Variants in EXT1 observed in about 807,000 individuals in gnomAD.
The protein encoded by EXT1 is exostosin glycosyltransferase 1.
Under a neutral mutation model 82.5 loss-of-function variants are expected in EXT1, and 20 were observed. The observed-to-expected ratio is 0.24, with a 90% CI of 0.17 to 0.35. The LOEUF (loss-of-function observed/expected upper bound fraction) is 0.35. Among genes scored for constraint, EXT1 ranks in the 10% least tolerant of loss-of-function variants. The probability of loss-of-function intolerance (pLI) is 1.00; values close to 1 mark genes in which losing one functional copy is unlikely to be tolerated. For missense variants in EXT1, 757 were observed against 936.5 expected (o/e 0.81, Z 2.50); for synonymous variants, 348 against 350.8 (o/e 0.99, Z 0.09).
chr8:117,880,643 T>G lies in EXT1; in HGVS notation c.963-43442A>C, dbSNP rs1277207560. On this transcript the variant is annotated intron_variant, in intron 1 of 10. Transcript: ENST00000378204. ...TGTTGCTCTGTCACCCAGATTGGAG[T>G]GCAGTGGCACAATCTCAGCTCACCG... Among the ~76,000 whole-genome samples the G allele has an allele frequency of 2.7e-5, 4 of 150,556 alleles. No individual in the cohort carries two copies. In the South Asian group the frequency reaches 6.3e-4, roughly 24 times the overall value.
At chr8:118,017,233 T>C (rs1816020379) in intron 1 of EXT1, among the ~76,000 whole-genome samples, 1 of 152,166 alleles carries the variant, frequency 6.6e-6, no homozygotes. Flanking sequence ...TCATTCTCCT[T>C]ATACATTATC....
At chr8:117,881,683 C>T (rs983656068) in intron 1 of EXT1, among the ~76,000 whole-genome samples, 10 of 152,348 alleles carry the variant, frequency 6.6e-5, no homozygotes, top group Non-Finnish European at 1.0e-4. Flanking sequence ...CCAAACACAA[C>T]TAAGCCGGCT....
At chr8:118,106,140 T>C (rs1817800154) in intron 1 of EXT1, among the ~76,000 whole-genome samples, 1 of 152,196 alleles carries the variant, frequency 6.6e-6, no homozygotes, top group African/African-American at 2.4e-5. Flanking sequence ...TGAAACCATA[T>C]AACAAATTGT....
At chr8:118,083,747 G>A (rs1197357674) in intron 1 of EXT1, among the ~76,000 whole-genome samples, 4 of 152,114 alleles carry the variant, frequency 2.6e-5, no homozygotes, top group Admixed American at 1.3e-4. Context: ...AAAGAGGGAG[G>A]CGGGGCGCAG....
chr8:117,892,233 G>A (rs1813256981), intron 1 of EXT1, among the ~76,000 whole-genome samples: 1 of 152,178 alleles, frequency 6.6e-6, no homozygotes, highest in African/African-American at 2.4e-5. Flanking sequence ...AAACACCCCA[G>A]AACTACACAG....
chr8:117,937,476 A>G (rs1814188904), intron 1 of EXT1, among the ~76,000 whole-genome samples: 1 of 152,204 alleles, frequency 6.6e-6, no homozygotes, highest in Non-Finnish European at 1.5e-5. Context: ...AATCGCCCTG[A>G]TTTATGAAGT....
In EXT1 at chr8:117,804,798, A is replaced by T. The variant is rs1335974361; in HGVS notation, c.1979T>A (p.Leu660Gln). 6.2e-7 allele frequency: 1 copy of T among 1,614,038 alleles called. No homozygotes were observed. Among genetic ancestry groups the T allele is most frequent in the African/African-American group, 1.3e-5 (1 of 74,930 alleles). ...AGGCAATTTTGTCACAGCAGACACC[A>T]GGAAGTTCATGAGAATGTCCTCACA... ...ANCEDILMNF[L>Q]VSAVTKLPPI... Residue 660 changes from leucine to glutamine, a missense_variant, in exon 10 of 11, where the codon CTG (leucine) becomes CAG (glutamine). Physicochemically the swap from Leu to Gln is moderately radical, Grantham distance 113. This residue lies in a region of EXT1 where 128 missense variants were observed against 223.2 expected (regional missense o/e 0.57). Transcript: ENST00000378204.
intron 1 of EXT1, among the ~76,000 whole-genome samples, chr8:117,933,320 C>T (rs1586293796): frequency 6.7e-6 from 1 of 149,592 alleles, no homozygotes; most frequent in Admixed American, 6.7e-5. Flanking sequence ...CATTTCAGCT[C>T]ACTGCAACCT....
Position 117,916,800 on chromosome 8 carries a change from G to A in EXT1, c.963-79599C>T, listed in dbSNP as rs927497084. Reference sequence around the variant, plus strand: ...TGGTGGCCTGTAATCCCAGCTACTCGGGAGACTGAGGCACGAGAATCACTT... The same window carrying A: ...TGGTGGCCTGTAATCCCAGCTACTCAGGAGACTGAGGCACGAGAATCACTT... On this transcript the variant is annotated intron_variant, in intron 1 of 10. Transcript: ENST00000378204. Among the ~76,000 whole-genome samples the A allele has an allele frequency of 2.6e-5, 4 of 152,096 alleles. No homozygotes were observed. The East Asian group carries it at 5.8e-4, about 22-fold the overall frequency.
intron 1 of EXT1, among the ~76,000 whole-genome samples, chr8:117,918,468 C>A (rs1160469481): frequency 6.6e-6 from 1 of 152,240 alleles, no homozygotes; most frequent in Non-Finnish European, 1.5e-5. Context: ...ATTGCATTTG[C>A]TGCTTCTTCC....
rs1016460656 is a variant in EXT1 at position 117,950,791 on chromosome 8, T to A, written c.963-113590A>T. ...AAGATGTTATTCAAGTTCACCTTGA[T>A]TGTTTTACTGGGTCCTAACCAGGAG... is the stretch of plus-strand genomic sequence containing the variant. On this transcript the variant is annotated intron_variant, in intron 1 of 10. Transcript: ENST00000378204. Among the ~76,000 whole-genome samples, 81 of 152,338 alleles carry A rather than the reference T, an allele frequency of 5.3e-4. 1 individual carries two copies. Among genetic ancestry groups the A allele is most frequent in the African/African-American group, 1.9e-3 (79 of 41,580 alleles).
intron 1 of EXT1, among the ~76,000 whole-genome samples, chr8:117,950,038 G>A (rs560715524): frequency 9.2e-5 from 14 of 152,138 alleles, no homozygotes; most frequent in Admixed American, 2.0e-4. Flanking sequence ...CAGCCTGGCC[G>A]ACATGGTAAA....
chr8:117,824,014 G>A (rs1586998558), intron 4 of EXT1, among the ~76,000 whole-genome samples: 1 of 152,142 alleles, frequency 6.6e-6, no homozygotes, highest in African/African-American at 2.4e-5. Context: ...ATTTCACTTT[G>A]TACAACATTT....
At chr8:118,017,348 C>G (rs1349019058) in intron 1 of EXT1, among the ~76,000 whole-genome samples, 2 of 152,120 alleles carry the variant, frequency 1.3e-5, no homozygotes, top group East Asian at 3.9e-4. Flanking sequence ...GAGGTTTTGT[C>G]TCTTGCAAAA....
At chr8:117,827,302 T>C (rs977944390) in intron 4 of EXT1, among the ~76,000 whole-genome samples, 4 of 152,160 alleles carry the variant, frequency 2.6e-5, no homozygotes, top group Admixed American at 2.0e-4. Flanking sequence ...GATAAAGATA[T>C]AGTTATCTAT....
intron 1 of EXT1, among the ~76,000 whole-genome samples, chr8:117,927,411 T>TG (rs59275705): frequency 0.063 from 67 of 1,056 alleles, 1 homozygote; most frequent in African/African-American, 0.3. Flanking sequence ...TAGATTCCTC[T>TG]GGGGGAAAAA....
chr8:118,108,774 A>G (rs917817096), intron 1 of EXT1, among the ~76,000 whole-genome samples: 2 of 152,210 alleles, frequency 1.3e-5, no homozygotes, highest in African/African-American at 4.8e-5. Context: ...TGCACAGACG[A>G]CAATCAAACC....
chr8:117,814,342 C>A (rs1004605409), intron 7 of EXT1, among the ~76,000 whole-genome samples: 1 of 151,656 alleles, frequency 6.6e-6, no homozygotes, highest in Non-Finnish European at 1.5e-5. Flanking sequence ...ACAACTTAAA[C>A]CTTTGTGTTG....
intron 1 of EXT1, among the ~76,000 whole-genome samples, chr8:117,882,597 C>T (rs1389911545): frequency 6.6e-6 from 1 of 152,126 alleles, no homozygotes; most frequent in Non-Finnish European, 1.5e-5. Context: ...GTAGGGGTAC[C>T]CTAAGTCAAC....
Sources: allele counts gnomAD v4.1 joint callset (sites outside exome capture counted in the v4.1 genomes callset), GRCh38; gene constraint gnomAD v4.1.1; regional missense constraint gnomAD v4.1.1; transcripts MANE v1.5; gene names NCBI Gene and HGNC (gene_info 2026-07-23, HGNC 2026-07-21).